SFMBT1: variants seen among roughly 807,000 people sequenced by gnomAD.
SFMBT1 encodes the protein scm-like with four MBT domains protein 1.
A neutral mutation model predicts 108.7 loss-of-function variants in SFMBT1; 32 were observed. The observed-to-expected ratio is 0.29, with a 90% CI of 0.22 to 0.40. The LOEUF (loss-of-function observed/expected upper bound fraction) is 0.40. Ranked by LOEUF, SFMBT1 falls within the 10% of genes least tolerant of loss-of-function variation. The probability of loss-of-function intolerance (pLI) is 1.00; values close to 1 mark genes in which losing one functional copy is unlikely to be tolerated. For missense variants in SFMBT1, 816 were observed against 1,059.6 expected (o/e 0.77, Z 3.19); for synonymous variants, 348 against 369.5 (o/e 0.94, Z 0.67).
At position 52,932,213 on chromosome 3, in the gene SFMBT1, A is replaced by G. The variant is rs1255930549; in HGVS notation, c.549T>C (p.Thr183=). 7 of 1,614,206 alleles carry G rather than the reference A, an allele frequency of 4.3e-6. No homozygotes were observed. Among genetic ancestry groups the G allele is most frequent in the East Asian group, 2.2e-5 (1 of 44,880 alleles). ...GCCTTCCTCCAATGTTTTCTACTAC[A>G]GTAACAATCCAAGTGCTTAAAGAGT... ...FQDSLSTWIV[T]VVENIGGRLK... Residue 183 remains threonine, a synonymous_variant, in exon 6 of 21, where the codon ACT becomes ACC. Coordinates refer to ENST00000394752, the MANE Select transcript of SFMBT1 (RefSeq NM_016329.4).
At chr3:52,913,220 T>C (rs1425738655) in intron 15 of SFMBT1, among the ~76,000 whole-genome samples, 1 of 152,244 alleles carries the variant, frequency 6.6e-6, no homozygotes, top group East Asian at 1.9e-4. Flanking sequence ...TTTTGTATAG[T>C]TCTCTTCTGG....
chr3:53,023,546 T>C (rs1699383704), intron 1 of SFMBT1, among the ~76,000 whole-genome samples: 2 of 152,218 alleles, frequency 1.3e-5, no homozygotes, highest in African/African-American at 4.8e-5. Context: ...CTGGATAGTG[T>C]ATGCTGGTAC....
chr3:53,019,418 G>A (rs1475520957), intron 1 of SFMBT1, among the ~76,000 whole-genome samples: 4 of 151,786 alleles, frequency 2.6e-5, no homozygotes, highest in Non-Finnish European at 5.9e-5. Flanking sequence ...TCAATGATTA[G>A]GACTCACTCA....
At chr3:53,028,894 C>T (rs920164864) in intron 1 of SFMBT1, among the ~76,000 whole-genome samples, 19 of 152,046 alleles carry the variant, frequency 1.2e-4, no homozygotes, top group African/African-American at 4.6e-4. Flanking sequence ...TGGGCTAGGC[C>T]GGGCGCGGTA....
At chr3:53,011,387 G>A (rs370419300) in intron 1 of SFMBT1, among the ~76,000 whole-genome samples, 25 of 152,252 alleles carry the variant, frequency 1.6e-4, no homozygotes, top group South Asian at 6.2e-4. Context: ...CATAGATAAC[G>A]AGGCCCCACA....
chr3:52,964,075 T>A (rs908909780), intron 2 of SFMBT1, among the ~76,000 whole-genome samples: 17 of 152,068 alleles, frequency 1.1e-4, no homozygotes, highest in Admixed American at 3.3e-4. Context: ...TGGCCTTGAA[T>A]TCCCAGGCTC....
intron 6 of SFMBT1, among the ~76,000 whole-genome samples, chr3:52,931,467 G>T (rs1191594096): frequency 6.6e-6 from 1 of 152,060 alleles, no homozygotes; most frequent in South Asian, 2.1e-4. Flanking sequence ...TTGGTCAAGG[G>T]TCAGTATGGG....
intron 2 of SFMBT1, among the ~76,000 whole-genome samples, chr3:52,966,038 G>A (rs1295898417): frequency 2.3e-5 from 3 of 132,144 alleles, no homozygotes. Flanking sequence ...TAGGACTAAA[G>A]CCGGCGCGGT....
intron 4 of SFMBT1, among the ~76,000 whole-genome samples, chr3:52,939,138 C>T (rs1056982954): frequency 1.3e-5 from 2 of 152,074 alleles, no homozygotes; most frequent in African/African-American, 4.8e-5. Context: ...CCTAAATAGC[C>T]GTGGTATTAT....
rs373444232 is a variant in SFMBT1, at chr3:53,008,887, G to A, written c.-131+36929C>T. Among the ~76,000 whole-genome samples, 20 of 151,944 alleles carry A rather than the reference G, an allele frequency of 1.3e-4. No individual in the cohort carries two copies. In the South Asian group the frequency reaches 2.3e-3, roughly 17 times the overall value. On this transcript the variant is annotated intron_variant, in intron 1 of 20. Transcript: ENST00000394752. Reference sequence around the variant, plus strand: ...CCTGACCTCATGATGTGCCCACCTCGGCCTCCCAAAGTGCTGGGATTACAG... The same window carrying A: ...CCTGACCTCATGATGTGCCCACCTCAGCCTCCCAAAGTGCTGGGATTACAG...
intron 1 of SFMBT1, among the ~76,000 whole-genome samples, chr3:52,998,717 C>A (rs543137819): frequency 2.7e-5 from 4 of 150,714 alleles, no homozygotes; most frequent in African/African-American, 4.8e-5. Context: ...AGAACCCCAA[C>A]GAGCTTGTGA....
intron 2 of SFMBT1, among the ~76,000 whole-genome samples, chr3:52,962,808 C>CCAAAAAAA: frequency 9.9e-6 from 1 of 101,408 alleles, no homozygotes; most frequent in South Asian, 4.0e-4. Context: ...CTCCCTGTCT[C>CCAAAAAAA]AAAAAAAAAA....
rs1168567580 is a variant in SFMBT1 at position 52,904,464 on chromosome 3, G to A, written c.*672C>T. 6.6e-6 allele frequency: 1 copy of A among 152,320 alleles called. No homozygotes were observed. Among genetic ancestry groups the A allele is most frequent in the Middle Eastern group, 3.2e-3 (1 of 316 alleles). 9.4% of individuals were successfully genotyped at this position (152,320 alleles called of 1,614,324 possible). ...ATTCTGTCATAATTTTAGTGTTTATGTAGCTTAAAAATGGCATCATACAAA... is the reference window on the plus strand; with the variant it reads ...ATTCTGTCATAATTTTAGTGTTTATATAGCTTAAAAATGGCATCATACAAA... On this transcript the variant is annotated 3_prime_UTR_variant, in exon 21 of 21. Transcript: ENST00000394752.
chr3:52,967,963 C>A (rs1176728966), intron 2 of SFMBT1, among the ~76,000 whole-genome samples: 2 of 152,038 alleles, frequency 1.3e-5, no homozygotes, highest in African/African-American at 4.8e-5. Flanking sequence ...TGGGTATGTA[C>A]CCCAGAAAAA....
At chr3:53,034,610 TA>T (rs915947671) in intron 1 of SFMBT1, among the ~76,000 whole-genome samples, 105 of 151,586 alleles carry the variant, frequency 6.9e-4, no homozygotes, top group African/African-American at 2.5e-3. Flanking sequence ...AAAATAAATT[TA>T]AAAAATAAAT....
chr3:52,943,572 C>T lies in SFMBT1; in HGVS notation c.145G>A (p.Gly49Arg). ...FKHVDTRLQNGFAPGMKLEVA... is the reference protein window; with the variant it reads ...FKHVDTRLQNRFAPGMKLEVA... ...TCCAGCTTCATCCCAGGAGCAAATC[C>T]ATTTTGCAAACGTGTGTCCACCTTA... is the stretch of plus-strand genomic sequence containing the variant. Residue 49 changes from glycine to arginine, a missense_variant, in exon 4 of 21, where the codon GGA becomes AGA. By Grantham distance (125) the Gly-to-Arg change is moderately radical. Coordinates refer to ENST00000394752, the MANE Select transcript of SFMBT1 (RefSeq NM_016329.4). The T allele has an allele frequency of 6.2e-7, 1 of 1,614,250 alleles. No individual in the cohort carries two copies. The highest frequency in any genetic ancestry group is 1.1e-5 in the South Asian group (1 of 91,088).
chr3:52,922,224 A>T (rs998112738), intron 10 of SFMBT1, among the ~76,000 whole-genome samples: 7 of 152,116 alleles, frequency 4.6e-5, no homozygotes, highest in African/African-American at 1.4e-4. Context: ...AACACTGTTG[A>T]CTCACTTCCC....
intron 1 of SFMBT1, among the ~76,000 whole-genome samples, chr3:53,006,897 G>A (rs561459433): frequency 2.2e-4 from 34 of 152,248 alleles, no homozygotes; most frequent in South Asian, 4.2e-4. Flanking sequence ...TTGCTGCTCC[G>A]GGCAGTTCCT....
At chr3:52,924,288 C>T (rs13095705) in intron 10 of SFMBT1, among the ~76,000 whole-genome samples, 17,025 of 152,072 alleles carry the variant, frequency 0.11, 988 homozygotes, top group Non-Finnish European at 0.13. Flanking sequence ...CAAGGGACCC[C>T]AAATCATACA....
Sources: allele counts gnomAD v4.1 joint callset (sites outside exome capture counted in the v4.1 genomes callset), GRCh38; gene constraint gnomAD v4.1.1; transcripts MANE v1.5; gene names NCBI Gene and HGNC (gene_info 2026-07-23, HGNC 2026-07-21).